Variants in ADGRB3 observed in about 807,000 individuals in gnomAD.
ADGRB3 encodes adhesion G protein-coupled receptor B3.
A neutral mutation model predicts 193.4 loss-of-function variants in ADGRB3; 37 were observed. The ratio of observed to expected loss-of-function variants is 0.19; its 90% CI spans 0.15 to 0.25. The LOEUF is 0.25. ADGRB3 is among the 10% of genes least tolerant of loss of function. The pLI is 1.00. For synonymous variants in ADGRB3, 690 were observed against 644.2 expected (o/e 1.07, Z -1.08); for missense variants, 1,637 against 1,852.9 (o/e 0.88, Z 2.14).
chr6:69,343,577 A>G (rs1248526628), intron 26 of ADGRB3, among the ~76,000 whole-genome samples: 1 of 152,208 alleles, frequency 6.6e-6, no homozygotes, highest in Non-Finnish European at 1.5e-5. Context: ...GAATGTTTGC[A>G]TAACTATTTG....
rs923262880 is a variant in ADGRB3, at chr6:68,635,556, A to AGCC, written c.-618_-616dup. On this transcript the variant is annotated 5_prime_UTR_variant, in exon 1 of 32. Coordinates refer to ENST00000370598, the MANE Select transcript of ADGRB3 (RefSeq NM_001704.3). Reference sequence around the variant, plus strand: ...ACCGCCCCAACAAATCTGCCATAGCAGCCGCCGCCGCCGCCGGTCACTTCT... The same window carrying AGCC: ...ACCGCCCCAACAAATCTGCCATAGCAGCCGCCGCCGCCGCCGCCGGTCACTTCT... The AGCC allele has an allele frequency of 1.3e-5, 2 of 154,516 alleles. No homozygotes were observed. Among genetic ancestry groups the AGCC allele is most frequent in the Non-Finnish European group, 2.9e-5 (2 of 70,058 alleles). The allele number at this position is 154,516 out of a possible 1,614,324, so 9.6% of individuals were successfully genotyped here.
At chr6:69,101,953 G>A (rs1232756962) in intron 17 of ADGRB3, among the ~76,000 whole-genome samples, 1 of 152,084 alleles carries the variant, frequency 6.6e-6, no homozygotes, top group Non-Finnish European at 1.5e-5. Flanking sequence ...ACTTTGGGAG[G>A]CTGAGGCGGG....
intron 17 of ADGRB3, among the ~76,000 whole-genome samples, chr6:69,165,403 TC>T (rs34371668): frequency 1.3e-5 from 2 of 151,502 alleles, no homozygotes; most frequent in Non-Finnish European, 2.9e-5. Flanking sequence ...GCGGCAGCCA[TC>T]CCCCCCAACT....
chr6:69,053,778 T>C (rs773631007), intron 15 of ADGRB3, among the ~76,000 whole-genome samples: 2 of 152,228 alleles, frequency 1.3e-5, no homozygotes, highest in Non-Finnish European at 2.9e-5. Context: ...GGAGGCCAAT[T>C]TGGCAATACC....
At chr6:69,138,360 G>C (rs1008569907) in intron 17 of ADGRB3, among the ~76,000 whole-genome samples, 1 of 152,204 alleles carries the variant, frequency 6.6e-6, no homozygotes, top group South Asian at 2.1e-4. Flanking sequence ...TTCCCAAGCT[G>C]TTTTGTGGCT....
chr6:68,685,714 T>TA (rs1012399235), intron 3 of ADGRB3, among the ~76,000 whole-genome samples: 6 of 149,708 alleles, frequency 4.0e-5, no homozygotes, highest in South Asian at 2.1e-4. Context: ...CCGTCTCTAC[T>TA]AAAAAAAATA....
At chr6:69,042,894 TTTAAAG>T (rs1281147901) in intron 13 of ADGRB3, among the ~76,000 whole-genome samples, 1 of 152,196 alleles carries the variant, frequency 6.6e-6, no homozygotes, top group Non-Finnish European at 1.5e-5. Context: ...TAAGACAGCC[TTTAAAG>T]TTATTTTGTA....
intron 17 of ADGRB3, among the ~76,000 whole-genome samples, chr6:69,211,493 A>G (rs1289848179): frequency 6.6e-6 from 1 of 152,134 alleles, no homozygotes. Flanking sequence ...AAGTTCCTGT[A>G]TTATAATATT....
At chr6:69,217,302 T>C (rs963434698) in intron 17 of ADGRB3, among the ~76,000 whole-genome samples, 6 of 152,138 alleles carry the variant, frequency 3.9e-5, no homozygotes, top group Non-Finnish European at 8.8e-5. Context: ...GTACTTGTAC[T>C]GAAGGAAAGG....
At chr6:69,367,867 G>A (rs1032792871) in intron 29 of ADGRB3, among the ~76,000 whole-genome samples, 1 of 151,692 alleles carries the variant, frequency 6.6e-6, no homozygotes, top group Admixed American at 6.6e-5. Flanking sequence ...AAATTGGAAA[G>A]CATCATTCTC....
chr6:68,741,877 T>C (rs1299060245), intron 3 of ADGRB3, among the ~76,000 whole-genome samples: 2 of 152,170 alleles, frequency 1.3e-5, no homozygotes, highest in African/African-American at 2.4e-5. Context: ...CTTCTTCTTA[T>C]AACGTTTTAG....
At chr6:69,188,601 G>T (rs927011551) in intron 17 of ADGRB3, among the ~76,000 whole-genome samples, 2 of 152,108 alleles carry the variant, frequency 1.3e-5, no homozygotes, top group South Asian at 2.1e-4. Flanking sequence ...GAGCCACTGC[G>T]CCCGGCCCTG....
chr6:68,972,539 T>C (rs1392228983), intron 8 of ADGRB3, among the ~76,000 whole-genome samples: 1 of 152,176 alleles, frequency 6.6e-6, no homozygotes, highest in Non-Finnish European at 1.5e-5. Flanking sequence ...AGAAGAAAAG[T>C]AGTTCATTTG....
At chr6:68,942,552 AGTAT>A (rs1252257146) in intron 5 of ADGRB3, among the ~76,000 whole-genome samples, 1 of 152,126 alleles carries the variant, frequency 6.6e-6, no homozygotes, top group African/African-American at 2.4e-5. Flanking sequence ...TATTGTCTCA[AGTAT>A]TAAGAATTAG....
intron 3 of ADGRB3, among the ~76,000 whole-genome samples, chr6:68,923,169 G>A (rs1767090860): frequency 6.6e-6 from 1 of 151,980 alleles, no homozygotes; most frequent in Non-Finnish European, 1.5e-5. Flanking sequence ...AAAACTTTTT[G>A]TAATAAACTA....
chr6:68,850,376 T>C (rs1358327160), intron 3 of ADGRB3, among the ~76,000 whole-genome samples: 1 of 152,002 alleles, frequency 6.6e-6, no homozygotes, highest in African/African-American at 2.4e-5. Flanking sequence ...GATAGAATTA[T>C]TGGGTTACAT....
At chr6:69,178,680 A>G (rs1042277271) in intron 17 of ADGRB3, among the ~76,000 whole-genome samples, 5 of 152,176 alleles carry the variant, frequency 3.3e-5, no homozygotes, top group African/African-American at 9.7e-5. Context: ...GTTTGCCTCA[A>G]AAAAATTTGT....
intron 15 of ADGRB3, among the ~76,000 whole-genome samples, chr6:69,061,703 A>G (rs1771754402): frequency 6.6e-6 from 1 of 152,168 alleles, no homozygotes; most frequent in Admixed American, 6.6e-5. Context: ...GTACCATACA[A>G]TATTACTCAA....
At chr6:68,990,832 A>G (rs1436218018) in intron 10 of ADGRB3, among the ~76,000 whole-genome samples, 2 of 152,168 alleles carry the variant, frequency 1.3e-5, no homozygotes, top group African/African-American at 2.4e-5. Context: ...CGTGGCAACC[A>G]TTGCTACATT....
Sources: gnomAD v4.1 joint callset for allele counts (sites outside exome capture counted in the v4.1 genomes callset) on GRCh38, gnomAD v4.1.1 for gene constraint, MANE v1.5 for transcripts, NCBI Gene and HGNC (gene_info 2026-07-23, HGNC 2026-07-21) for gene names.